DSCAM: variants seen among roughly 807,000 people sequenced by gnomAD.
DSCAM encodes cell adhesion molecule DSCAM.
In DSCAM, 47 loss-of-function variants were observed where a neutral mutation model predicts 217.7. That is an observed-to-expected ratio of 0.22 (90% confidence interval 0.17 to 0.28). The LOEUF is 0.28. DSCAM is among the 10% of genes least tolerant of loss of function. The pLI is 1.00. For missense variants in DSCAM, 2,080 were observed against 2,618.3 expected (o/e 0.79, Z 4.49); for synonymous variants, 1,056 against 1,015.3 (o/e 1.04, Z -0.76).
chr21:40,338,512 T>C, intron 7 of DSCAM, 136 bp from the exon 8 acceptor site: 2 of 946,370 alleles, frequency 2.1e-6, no homozygotes, highest in Non-Finnish European at 3.0e-6. Flanking sequence ...ACAAATATTT[T>C]TGCATGTGGC....
At chr21:40,278,939 T>C (rs2073724416) in intron 10 of DSCAM, among the ~76,000 whole-genome samples, 1 of 152,194 alleles carries the variant, frequency 6.6e-6, no homozygotes, top group African/African-American at 2.4e-5. Flanking sequence ...ATATCTGTTT[T>C]AAAGGTAATT....
chr21:40,797,839 G>T (rs983289729), intron 1 of DSCAM, among the ~76,000 whole-genome samples: 3 of 151,964 alleles, frequency 2.0e-5, no homozygotes, highest in Admixed American at 2.0e-4. Context: ...CAGTTGTAAG[G>T]ATCTGGTGTT....
intron 18 of DSCAM, 83 bp downstream of exon 18, chr21:40,142,475 C>G: frequency 6.6e-7 from 1 of 1,518,060 alleles, no homozygotes; most frequent in South Asian, 1.2e-5. Context: ...TCCTGAGCCC[C>G]TTGTTAGGAA....
chr21:40,446,748 T>C (rs1473549738), intron 3 of DSCAM, among the ~76,000 whole-genome samples: 1 of 152,190 alleles, frequency 6.6e-6, no homozygotes, highest in African/African-American at 2.4e-5. Flanking sequence ...TAAATAAACA[T>C]ATCTGTTTTC....
At chr21:40,545,409 T>C (rs1235899599) in intron 3 of DSCAM, among the ~76,000 whole-genome samples, 1 of 152,228 alleles carries the variant, frequency 6.6e-6, no homozygotes, top group African/African-American at 2.4e-5. Flanking sequence ...GGCAGCCCTG[T>C]AATATCCGAA....
At chr21:40,542,236 C>A (rs2076548089) in intron 3 of DSCAM, among the ~76,000 whole-genome samples, 1 of 152,154 alleles carries the variant, frequency 6.6e-6, no homozygotes, top group African/African-American at 2.4e-5. Flanking sequence ...GCTATCTATA[C>A]ATATCGTTGG....
intron 20 of DSCAM, among the ~76,000 whole-genome samples, chr21:40,112,758 C>A (rs2089916171): frequency 6.6e-6 from 1 of 152,146 alleles, no homozygotes; most frequent in South Asian, 2.1e-4. Context: ...CACAGAAATA[C>A]AAACTACCAT....
At chr21:40,391,003 T>A (rs1258694391) in intron 3 of DSCAM, among the ~76,000 whole-genome samples, 1 of 152,190 alleles carries the variant, frequency 6.6e-6, no homozygotes, top group South Asian at 2.1e-4. Flanking sequence ...GTATCTATGG[T>A]TCTTTGCAAG....
At chr21:40,064,016 A>G (rs2089167550) in intron 27 of DSCAM, among the ~76,000 whole-genome samples, 1 of 152,152 alleles carries the variant, frequency 6.6e-6, no homozygotes, top group Non-Finnish European at 1.5e-5. Flanking sequence ...AGAAATCAAA[A>G]TAGGATTGGA....
At chr21:40,396,522 C>T (rs1279698835) in intron 3 of DSCAM, among the ~76,000 whole-genome samples, 2 of 152,126 alleles carry the variant, frequency 1.3e-5, no homozygotes, top group Non-Finnish European at 1.5e-5. Context: ...ACAGTACACA[C>T]GTGCAGTGTT....
chr21:40,121,402 G>A (rs1174059750), intron 20 of DSCAM, among the ~76,000 whole-genome samples: 2 of 152,060 alleles, frequency 1.3e-5, no homozygotes, highest in Non-Finnish European at 2.9e-5. Context: ...AATAGGTCTC[G>A]TGCTCTTAAA....
chr21:40,439,850 C>T (rs1337716177), intron 3 of DSCAM, among the ~76,000 whole-genome samples: 2 of 152,086 alleles, frequency 1.3e-5, no homozygotes, highest in Non-Finnish European at 2.9e-5. Flanking sequence ...ACGAGAACAG[C>T]ATGGAAAAGA....
chr21:40,412,050 G>T (rs1342210674), intron 3 of DSCAM, among the ~76,000 whole-genome samples: 1 of 152,118 alleles, frequency 6.6e-6, no homozygotes, highest in Non-Finnish European at 1.5e-5. Context: ...GTTTCATTTG[G>T]CATTCATTCT....
chr21:40,674,942 GCTAA>G (rs1308222178), intron 3 of DSCAM, among the ~76,000 whole-genome samples: 21 of 152,128 alleles, frequency 1.4e-4, no homozygotes, highest in African/African-American at 5.1e-4. Context: ...ATTTTTAAAA[GCTAA>G]CTGTCAGTTA....
chr21:40,378,848 C>G (rs955176877), intron 3 of DSCAM, among the ~76,000 whole-genome samples: 1 of 152,064 alleles, frequency 6.6e-6, no homozygotes, highest in Non-Finnish European at 1.5e-5. Flanking sequence ...CCGCCTCGGC[C>G]TCCCAAAGTG....
At chr21:40,499,720 T>C (rs948879397) in intron 3 of DSCAM, among the ~76,000 whole-genome samples, 1 of 152,234 alleles carries the variant, frequency 6.6e-6, no homozygotes, top group African/African-American at 2.4e-5. Flanking sequence ...CTCAGATGCA[T>C]AGAAGGAAGT....
chr21:40,514,634 G>A (rs1358024237), intron 3 of DSCAM, among the ~76,000 whole-genome samples: 2 of 152,110 alleles, frequency 1.3e-5, no homozygotes, highest in African/African-American at 4.8e-5. Context: ...AAAAACTAAC[G>A]ATCCTTTATG....
At chr21:40,419,396 T>A (rs1601628213) in intron 3 of DSCAM, among the ~76,000 whole-genome samples, 2 of 152,118 alleles carry the variant, frequency 1.3e-5, no homozygotes, top group Non-Finnish European at 2.9e-5. Context: ...GAAACATATA[T>A]CAAAGAATTT....
At chr21:40,574,510 CATG>C (rs1305757568) in intron 3 of DSCAM, among the ~76,000 whole-genome samples, 8 of 152,138 alleles carry the variant, frequency 5.3e-5, no homozygotes, top group Non-Finnish European at 1.0e-4. Flanking sequence ...ATACAAATAA[CATG>C]ATATCTAACA....
Sources: allele counts gnomAD v4.1 joint callset (sites outside exome capture counted in the v4.1 genomes callset), GRCh38; gene constraint gnomAD v4.1.1; transcripts MANE v1.5; gene names NCBI Gene and HGNC (gene_info 2026-07-23, HGNC 2026-07-21).